Variants in QTMAN observed in about 807,000 individuals in gnomAD.
The protein encoded by QTMAN is queuosine-tRNA mannosyltransferase.
At chr2:143,951,841 C>A in the QTMAN span, 1 of 568,910 alleles carries the variant, frequency 1.8e-6, no homozygotes, top group Middle Eastern at 4.8e-4. Context: ...TTTAATTAAT[C>A]CTTGTTAGTG....
the QTMAN span, among the ~76,000 whole-genome samples, chr2:144,138,703 T>A: frequency 6.6e-6 from 1 of 152,072 alleles, no homozygotes; most frequent in Non-Finnish European, 1.5e-5. Flanking sequence ...GACCTGGTAG[T>A]ATCAATAAAT....
At chr2:144,032,857 T>C in the QTMAN span, among the ~76,000 whole-genome samples, 2 of 152,210 alleles carry the variant, frequency 1.3e-5, no homozygotes, top group African/African-American at 4.8e-5. Flanking sequence ...GAGTGCAGGA[T>C]GTGGAAATGA....
chr2:144,256,256 C>A, the QTMAN span, among the ~76,000 whole-genome samples: 2 of 152,126 alleles, frequency 1.3e-5, no homozygotes, highest in Non-Finnish European at 1.5e-5. Flanking sequence ...AGAAGCAGTT[C>A]TTATTGTCAA....
the QTMAN span, among the ~76,000 whole-genome samples, chr2:143,958,445 A>G: frequency 1.3e-5 from 2 of 152,142 alleles, no homozygotes; most frequent in Non-Finnish European, 2.9e-5. Flanking sequence ...AGGTGTATGC[A>G]TGCGTGTAAA....
the QTMAN span, among the ~76,000 whole-genome samples, chr2:144,269,779 A>C: frequency 2.6e-5 from 4 of 152,028 alleles, no homozygotes; most frequent in African/African-American, 9.7e-5. Context: ...TCCAGTCCAC[A>C]TGGAAAAACC....
the QTMAN span, chr2:143,945,754 A>G: frequency 1.3e-5 from 2 of 152,228 alleles, no homozygotes; most frequent in Non-Finnish European, 2.9e-5. Context: ...AAAGCTAGGG[A>G]AAGTTACAAT....
chr2:144,166,903 G>C, the QTMAN span, among the ~76,000 whole-genome samples: 5 of 152,040 alleles, frequency 3.3e-5, no homozygotes, highest in African/African-American at 1.2e-4. Flanking sequence ...AATGCCCCAA[G>C]CACATGTGAC....
the QTMAN span, among the ~76,000 whole-genome samples, chr2:144,314,206 C>T: frequency 2.8e-4 from 42 of 152,126 alleles, no homozygotes; most frequent in Non-Finnish European, 1.6e-4. Context: ...CACTGCTCAG[C>T]AACAAAACAG....
At chr2:144,091,831 C>T in the QTMAN span, among the ~76,000 whole-genome samples, 2 of 152,002 alleles carry the variant, frequency 1.3e-5, no homozygotes, top group Non-Finnish European at 2.9e-5. Context: ...ATCCATACAA[C>T]GACATACTAA....
At chr2:144,134,634 GTGAAAATATATGAA>G in the QTMAN span, among the ~76,000 whole-genome samples, 1 of 152,090 alleles carries the variant, frequency 6.6e-6, no homozygotes, top group Non-Finnish European at 1.5e-5. Context: ...TGAAATGATC[GTGAAAATATATGAA>G]ATTCTGTTGT....
chr2:144,215,223 C>T, the QTMAN span, among the ~76,000 whole-genome samples: 1 of 149,922 alleles, frequency 6.7e-6, no homozygotes, highest in Non-Finnish European at 1.5e-5. Flanking sequence ...GCCTGAGTGA[C>T]AGAGTGAGGT....
the QTMAN span, among the ~76,000 whole-genome samples, chr2:144,233,061 T>G: frequency 6.6e-6 from 1 of 152,154 alleles, no homozygotes; most frequent in Non-Finnish European, 1.5e-5. Context: ...AGTATTCAAT[T>G]TGTAAAAGAC....
chr2:144,014,893 T>C, the QTMAN span, among the ~76,000 whole-genome samples: 1 of 152,228 alleles, frequency 6.6e-6, no homozygotes, highest in East Asian at 1.9e-4. Context: ...TAACCTTATT[T>C]ATACCATTTG....
At chr2:144,172,075 A>G in the QTMAN span, among the ~76,000 whole-genome samples, 7 of 152,220 alleles carry the variant, frequency 4.6e-5, no homozygotes, top group African/African-American at 1.7e-4. Flanking sequence ...AAAAGTATAG[A>G]TATTTTTTGT....
chr2:144,041,568 C>A, the QTMAN span, among the ~76,000 whole-genome samples: 1 of 152,174 alleles, frequency 6.6e-6, no homozygotes, highest in African/African-American at 2.4e-5. Flanking sequence ...AATTTAAGCA[C>A]CACATCTATT....
the QTMAN span, among the ~76,000 whole-genome samples, chr2:144,174,630 G>C: frequency 6.6e-6 from 1 of 152,108 alleles, no homozygotes; most frequent in African/African-American, 2.4e-5. Context: ...GGACCCAGTG[G>C]GAGGTAACCA....
chr2:144,208,841 A>G, the QTMAN span: 1 of 1,192,138 alleles, frequency 8.4e-7, no homozygotes, highest in Non-Finnish European at 1.2e-6. Context: ...TTTTTCCATT[A>G]CATACATGTA....
the QTMAN span, among the ~76,000 whole-genome samples, chr2:144,137,969 C>T: frequency 1.3e-5 from 2 of 152,040 alleles, no homozygotes; most frequent in Non-Finnish European, 1.5e-5. Flanking sequence ...CCCCTTTGTT[C>T]CACAGGATAA....
the QTMAN span, among the ~76,000 whole-genome samples, chr2:144,125,497 C>G: frequency 2.6e-5 from 4 of 152,118 alleles, no homozygotes; most frequent in Admixed American, 2.6e-4. Context: ...GTACCCTAAC[C>G]TGCTGTGTAG....
Sources: allele counts gnomAD v4.1 joint callset (sites outside exome capture counted in the v4.1 genomes callset), GRCh38; gene constraint gnomAD v4.1.1; transcripts MANE v1.5; gene names NCBI Gene and HGNC (gene_info 2026-07-23, HGNC 2026-07-21).